ARHGAP44: variants seen among roughly 807,000 people sequenced by gnomAD.
ARHGAP44 encodes the protein Rho GTPase activating protein 44.
Under a neutral mutation model 106.8 loss-of-function variants are expected in ARHGAP44, and 43 were observed. The ratio of observed to expected loss-of-function variants is 0.40; its 90% confidence interval spans 0.32 to 0.52. The LOEUF is 0.52. ARHGAP44 is among the 20% of genes least tolerant of loss of function. The pLI, the probability that ARHGAP44 is intolerant of heterozygous loss-of-function variation, is 0.48. For missense variants in ARHGAP44, 866 were observed against 1,050.5 expected, an observed-to-expected ratio of 0.82 and a Z score of 2.43; for synonymous variants, 439 against 410.3, an observed-to-expected ratio of 1.07 and a Z score of -0.85.
intron 1 of ARHGAP44, among the ~76,000 whole-genome samples, chr17:12,841,639 C>CACACAAAA (rs1555546108): frequency 3.6e-5 from 5 of 137,470 alleles, no homozygotes; most frequent in African/African-American, 1.5e-4. Flanking sequence ...CACACACACA[C>CACACAAAA]AAACAAACAA....
At position 12,794,330 on chromosome 17, in the gene ARHGAP44, C is replaced by T. The variant is rs974260865; in HGVS notation, c.53+4439C>T. ...AGTCTGCACAGTGGGTTCACAGCGG[C>T]CCCATCCTCAGAGGGCTGTCATGAG... On this transcript the variant is annotated intron_variant, in intron 1 of 20. Coordinates refer to ENST00000379672, the MANE Select transcript of ARHGAP44 (RefSeq NM_014859.6). Among the ~76,000 whole-genome samples, 4 of 152,162 alleles carry T rather than the reference C, an allele frequency of 2.6e-5. No homozygotes were observed. The South Asian group carries it at 6.2e-4, about 24-fold the overall frequency.
At chr17:12,820,225 A>G (rs1402621759) in intron 1 of ARHGAP44, among the ~76,000 whole-genome samples, 4 of 152,104 alleles carry the variant, frequency 2.6e-5, no homozygotes, top group African/African-American at 9.7e-5. Flanking sequence ...CTGTATTTGT[A>G]GTTTATTCAT....
At position 12,990,170 on chromosome 17, in the gene ARHGAP44, G is replaced by A. The variant is rs747648161; in HGVS notation, c.2456G>A (p.Ter819=). 6.2e-7 allele frequency: 1 copy of A among 1,611,188 alleles called. No individual in the cohort carries two copies. Among genetic ancestry groups the A allele is most frequent in the Non-Finnish European group, 8.5e-7 (1 of 1,177,612 alleles). The change falls in exon 21 of 21, where the codon TGA becomes TAA. Residue 819 remains the stop codon, a stop_retained_variant. Coordinates refer to ENST00000379672, the MANE Select transcript of ARHGAP44 (RefSeq NM_014859.6). ...GAGGAGTCTGAGAGCACCGCCCTCT[G>A]ACATGACACCGCCCATCCTGCCTCG... ...SEEESESTAL[*]
In ARHGAP44 at chr17:12,843,856, C is replaced by T. The variant is rs551743102; in HGVS notation, c.54-51084C>T. Reference sequence around the variant, plus strand: ...TTTTTAGTAGATTCGGGGGTTTCACCGTGTTGGCCAGGATGCTCTCAATCT... The same window carrying T: ...TTTTTAGTAGATTCGGGGGTTTCACTGTGTTGGCCAGGATGCTCTCAATCT... On this transcript the variant is annotated intron_variant, in intron 1 of 20. Transcript: ENST00000379672. 3.3e-5 allele frequency among the ~76,000 whole-genome samples: 5 copies of T among 151,744 alleles called. No homozygotes were observed. The South Asian group carries it at 8.3e-4, about 25-fold the overall frequency.
intron 8 of ARHGAP44, among the ~76,000 whole-genome samples, chr17:12,942,122 A>T (rs1488054154): frequency 6.6e-6 from 1 of 151,102 alleles, no homozygotes; most frequent in African/African-American, 2.5e-5. Flanking sequence ...ATTACTTCCA[A>T]CTTGGAAAGT....
rs143293901 is a variant in ARHGAP44, at chr17:12,817,889, A to G, written c.53+27998A>G. On this transcript the variant is annotated intron_variant, in intron 1 of 20. Coordinates refer to ENST00000379672, the MANE Select transcript of ARHGAP44 (RefSeq NM_014859.6). ...ATTACTATAAATAGAGTTCTTTTTG[A>G]AAACAAAACTCTGGGACCAGGTATT... 8.1e-3 allele frequency among the ~76,000 whole-genome samples: 1,232 copies of G among 152,128 alleles called. 23 individuals are homozygous for G. The highest frequency in any genetic ancestry group is 0.029 in the African/African-American group (1,188 of 41,546).
At chr17:12,821,510 A>G (rs2034769445) in intron 1 of ARHGAP44, among the ~76,000 whole-genome samples, 1 of 152,200 alleles carries the variant, frequency 6.6e-6, no homozygotes, top group Non-Finnish European at 1.5e-5. Flanking sequence ...CAATGTTAGA[A>G]AACCAGTCTT....
chr17:12,830,655 C>T (rs576840936), intron 1 of ARHGAP44, among the ~76,000 whole-genome samples: 8 of 152,154 alleles, frequency 5.3e-5, no homozygotes, highest in Non-Finnish European at 1.0e-4. Context: ...TTAAGACCTC[C>T]CCCACTGTAA....
At chr17:12,920,839 T>C (rs907621171) in intron 6 of ARHGAP44, among the ~76,000 whole-genome samples, 1 of 152,138 alleles carries the variant, frequency 6.6e-6, no homozygotes, top group African/African-American at 2.4e-5. Flanking sequence ...TCTTCCAGAG[T>C]CCACCAGAAA....
intron 6 of ARHGAP44, among the ~76,000 whole-genome samples, chr17:12,927,860 G>T (rs1310417506): frequency 6.6e-6 from 1 of 152,172 alleles, no homozygotes; most frequent in South Asian, 2.1e-4. Flanking sequence ...TATATTTCCT[G>T]TCTCCATTAC....
chr17:12,810,697 T>C lies in ARHGAP44; in HGVS notation c.53+20806T>C, dbSNP rs551513993. 5.9e-5 allele frequency among the ~76,000 whole-genome samples: 9 copies of C among 152,288 alleles called. No homozygotes were observed. The South Asian group carries it at 1.9e-3, about 32-fold the overall frequency. On this transcript the variant is annotated intron_variant, in intron 1 of 20. Coordinates refer to ENST00000379672, the MANE Select transcript of ARHGAP44 (RefSeq NM_014859.6). Reference sequence around the variant, plus strand: ...GCACATTGATGTGCTAGGAGGGTGATGCACCTGCAATTCCACGAGGAATCC... The same window carrying C: ...GCACATTGATGTGCTAGGAGGGTGACGCACCTGCAATTCCACGAGGAATCC...
At chr17:12,976,085 T>C (rs1345093240) in intron 18 of ARHGAP44, among the ~76,000 whole-genome samples, 1 of 152,164 alleles carries the variant, frequency 6.6e-6, no homozygotes, top group African/African-American at 2.4e-5. Flanking sequence ...CATGCCACCG[T>C]GTCTCCTGTT....
At chr17:12,833,370 A>G (rs2035143680) in intron 1 of ARHGAP44, among the ~76,000 whole-genome samples, 1 of 152,130 alleles carries the variant, frequency 6.6e-6, no homozygotes, top group Non-Finnish European at 1.5e-5. Context: ...TGGGAAGCTG[A>G]TACCCAACTA....
chr17:12,881,075 G>T (rs1383549432), intron 1 of ARHGAP44, among the ~76,000 whole-genome samples: 2 of 151,086 alleles, frequency 1.3e-5, no homozygotes, highest in African/African-American at 4.9e-5. Context: ...TTTTTTTAGG[G>T]TTGATTTTTT....
At chr17:12,928,346 C>G (rs2038305203) in intron 6 of ARHGAP44, among the ~76,000 whole-genome samples, 1 of 152,108 alleles carries the variant, frequency 6.6e-6, no homozygotes, top group Admixed American at 6.5e-5. Context: ...GGGACTTAAA[C>G]CAATGATAGA....
chr17:12,956,146 A>T, intron 14 of ARHGAP44, among the ~76,000 whole-genome samples, 166 bp downstream of exon 14: 1 of 152,064 alleles, frequency 6.6e-6, no homozygotes, highest in East Asian at 1.9e-4. Flanking sequence ...GAGGCACAGA[A>T]TTCTGCAGAT....
In ARHGAP44 at chr17:12,990,196, C is replaced by T. The variant is rs201199858; in HGVS notation, c.*25C>T. On this transcript the variant is annotated 3_prime_UTR_variant, in exon 21 of 21. Coordinates refer to ENST00000379672, the MANE Select transcript of ARHGAP44 (RefSeq NM_014859.6). ...ACATGACACCGCCCATCCTGCCTCG[C>T]GTGTACATACATCACGGGCCCTAGG... 23 of 1,599,044 alleles carry T rather than the reference C, an allele frequency of 1.4e-5. No individual in the cohort carries two copies. Among genetic ancestry groups the T allele is most frequent in the African/African-American group, 6.7e-5 (5 of 74,768 alleles).
At chr17:12,963,798 C>T (rs9646399) in intron 16 of ARHGAP44, among the ~76,000 whole-genome samples, 13,073 of 151,912 alleles carry the variant, frequency 0.086, 644 homozygotes, top group African/African-American at 0.12. Context: ...TAGTTTGTTA[C>T]ATAACAAAGA....
At chr17:12,944,317 A>G in intron 10 of ARHGAP44, 121 bp downstream of exon 10, 1 of 1,312,968 alleles carries the variant, frequency 7.6e-7, no homozygotes, top group South Asian at 1.9e-5. Context: ...AAATGGCTTA[A>G]GACAGTGGCT....
Sources: gnomAD v4.1 joint callset for allele counts (sites outside exome capture counted in the v4.1 genomes callset) on GRCh38, gnomAD v4.1.1 for gene constraint, MANE v1.5 for transcripts, NCBI Gene and HGNC (gene_info 2026-07-23, HGNC 2026-07-21) for gene names.